CHST8: variants seen among roughly 807,000 people sequenced by gnomAD.
The protein encoded by CHST8 is GALNAC-4-ST1.
A neutral mutation model predicts 15.0 loss-of-function variants in CHST8; 10 were observed. The observed-to-expected ratio is 0.67, with a 90% CI of 0.41 to 1.13. The LOEUF is 1.13. Ranked by LOEUF, CHST8 falls within the 50% of genes most tolerant of loss-of-function variation. The probability of loss-of-function intolerance (pLI) is 0.00; values close to 1 mark genes in which losing one functional copy is unlikely to be tolerated. For synonymous variants in CHST8, 259 were observed against 256.6 expected, an observed-to-expected ratio of 1.01 and a Z score of -0.09; for missense variants, 634 against 608.2, an observed-to-expected ratio of 1.04 and a Z score of -0.45.
At chr19:33,753,440 CCTCCCACCACCCACCCACCA>C (rs1974462311) in intron 3 of CHST8, among the ~76,000 whole-genome samples, 3 of 26,280 alleles carry the variant, frequency 1.1e-4, no homozygotes, top group Non-Finnish European at 7.2e-5. Flanking sequence ...CACCCTCCAT[CCTCCCACCACCCACCCACCA>C]TCCTCCCACC....
chr19:33,689,382 C>G lies in CHST8; in HGVS notation c.121C>G (p.Gln41Glu), dbSNP rs1407781924. 2.5e-6 allele frequency: 4 copies of G among 1,592,224 alleles called. No individual in the cohort carries two copies. Among genetic ancestry groups the G allele is most frequent in the Non-Finnish European group, 3.4e-6 (4 of 1,172,308 alleles). ...GGACCCTACGGAGCTCGCCCCCCAG[C>G]AGGTGCCAGGTGAGTCCTTGCGCTG... ...LQDPTELAPQ[Q>E]VPGIKFNIRP... Residue 41 changes from glutamine to glutamate, a missense_variant, in exon 3 of 5, where the codon CAG (glutamine) becomes GAG (glutamate). Physicochemically the swap from Gln to Glu is conservative, Grantham distance 29. Coordinates refer to ENST00000650847, the MANE Select transcript of CHST8 (RefSeq NM_001127895.2).
chr19:33,683,201 C>A (rs1316545333), intron 2 of CHST8, among the ~76,000 whole-genome samples: 1 of 152,194 alleles, frequency 6.6e-6, no homozygotes, highest in Admixed American at 6.5e-5. Flanking sequence ...TCACATTTCA[C>A]CATGAGATTT....
intron 2 of CHST8, among the ~76,000 whole-genome samples, chr19:33,688,469 C>T (rs892128815): frequency 1.3e-5 from 2 of 152,140 alleles, no homozygotes; most frequent in African/African-American, 2.4e-5. Context: ...GGTCTAGCTG[C>T]CCCACCTCCA....
At chr19:33,719,399 C>T (rs867884287) in intron 3 of CHST8, among the ~76,000 whole-genome samples, 3 of 152,044 alleles carry the variant, frequency 2.0e-5, no homozygotes, top group Admixed American at 6.5e-5. Context: ...TCCTTGGACA[C>T]TTCTGTTTTA....
At chr19:33,639,654 T>G (rs887032983) in intron 1 of CHST8, among the ~76,000 whole-genome samples, 1 of 151,456 alleles carries the variant, frequency 6.6e-6, no homozygotes, top group Non-Finnish European at 1.5e-5. Flanking sequence ...GGTGGAAGAG[T>G]GCAGGGTAAA....
At chr19:33,765,552 T>A (rs3073707) in intron 3 of CHST8, among the ~76,000 whole-genome samples, 2 of 82,428 alleles carry the variant, frequency 2.4e-5, no homozygotes, top group Non-Finnish European at 5.4e-5. Flanking sequence ...TGTGTGTGTG[T>A]GTCAGAGAGA....
At chr19:33,719,091 G>A (rs906376356) in intron 3 of CHST8, among the ~76,000 whole-genome samples, 4 of 152,150 alleles carry the variant, frequency 2.6e-5, no homozygotes, top group African/African-American at 4.8e-5. Flanking sequence ...GATGTCATAG[G>A]TGTGACACTG....
chr19:33,687,871 G>A (rs1973013039), intron 2 of CHST8, among the ~76,000 whole-genome samples: 1 of 152,100 alleles, frequency 6.6e-6, no homozygotes, highest in South Asian at 2.1e-4. Flanking sequence ...ATTGTCCCTG[G>A]GCAGGGAGAT....
chr19:33,644,244 A>G (rs1303238560), intron 1 of CHST8, among the ~76,000 whole-genome samples: 1 of 152,160 alleles, frequency 6.6e-6, no homozygotes, highest in East Asian at 1.9e-4. Context: ...TACTGTATTT[A>G]TTATTATTAT....
rs542564851 is a variant in CHST8 at position 33,702,244 on chromosome 19, C to G, written c.130+12853C>G. ...ACAGGAATCCACCTGCCTTGGCATCCCAAAGTGCTGGGATTATAGGCGTGA... is the reference window on the plus strand; with the variant it reads ...ACAGGAATCCACCTGCCTTGGCATCGCAAAGTGCTGGGATTATAGGCGTGA... On this transcript the variant is annotated intron_variant, in intron 3 of 4. Coordinates refer to ENST00000650847, the MANE Select transcript of CHST8 (RefSeq NM_001127895.2). Among the ~76,000 whole-genome samples, 8 of 152,182 alleles carry G rather than the reference C, an allele frequency of 5.3e-5. No individual in the cohort carries two copies. The East Asian group carries it at 1.6e-3, about 30-fold the overall frequency.
At chr19:33,672,497 C>T (rs1236302215) in intron 2 of CHST8, among the ~76,000 whole-genome samples, 1 of 152,138 alleles carries the variant, frequency 6.6e-6, no homozygotes, top group Admixed American at 6.5e-5. Flanking sequence ...CTGTGCCTGG[C>T]CCCCATCAAA....
rs757265361 is a variant in CHST8 at position 33,772,839 on chromosome 19, A to G, written c.1051A>G (p.Met351Val). 6.8e-6 allele frequency: 11 copies of G among 1,613,402 alleles called. No homozygotes were observed. The South Asian group carries it at 9.9e-5, about 14-fold the overall frequency. The part of the protein sequence containing the change: ...DYDFVGKFES[M>V]EDDANFFLSL... ...CGATTTCGTAGGCAAGTTCGAGAGC[A>G]TGGAGGACGATGCCAACTTCTTCCT... The change falls in exon 5 of 5, where the codon ATG (methionine) becomes GTG (valine). Residue 351 changes from methionine to valine, a missense_variant. Transcript: ENST00000650847.
intron 3 of CHST8, among the ~76,000 whole-genome samples, chr19:33,709,708 G>A (rs1054047547): frequency 1.3e-5 from 2 of 151,946 alleles, no homozygotes; most frequent in African/African-American, 4.8e-5. Flanking sequence ...GATTTAAAAT[G>A]AATTGGGAAG....
chr19:33,637,860 A>G (rs1248168259), intron 1 of CHST8, among the ~76,000 whole-genome samples: 9 of 125,742 alleles, frequency 7.2e-5, no homozygotes, highest in Admixed American at 1.6e-4. Flanking sequence ...ATCTCTTAAG[A>G]AAAAAAAAAA....
At chr19:33,734,312 T>C (rs1974043943) in intron 3 of CHST8, among the ~76,000 whole-genome samples, 1 of 152,210 alleles carries the variant, frequency 6.6e-6, no homozygotes, top group African/African-American at 2.4e-5. Flanking sequence ...ACCTCTTGTT[T>C]AGCATATCAT....
chr19:33,649,199 C>T (rs892347480), intron 1 of CHST8, among the ~76,000 whole-genome samples: 5 of 152,042 alleles, frequency 3.3e-5, no homozygotes, highest in South Asian at 2.1e-4. Context: ...CCACTGTGCC[C>T]GGCCTGTCTA....
chr19:33,708,372 T>A (rs1973485229), intron 3 of CHST8, among the ~76,000 whole-genome samples: 2 of 152,264 alleles, frequency 1.3e-5, no homozygotes, highest in Non-Finnish European at 2.9e-5. Flanking sequence ...GGCTGTTACA[T>A]CTGTGTCTGC....
chr19:33,771,968 A>G lies in CHST8; in HGVS notation c.180A>G (p.Pro60=). 1 of 1,568,556 alleles carries G rather than the reference A, an allele frequency of 6.4e-7. No homozygotes were observed. The highest frequency in any genetic ancestry group is 8.6e-7 in the Non-Finnish European group (1 of 1,160,008). The change falls in exon 5 of 5, where the codon CCA becomes CCG. Residue 60 remains proline, a synonymous_variant. Coordinates refer to ENST00000650847, the MANE Select transcript of CHST8 (RefSeq NM_001127895.2). ...RPRQPHHDLP[P]GGSQDGDLKE... The stretch of plus-strand genomic sequence containing the variant: ...TCTTCTTGCCCCAGGACCTCCCACC[A>G]GGCGGCTCCCAGGATGGTGACTTGA...
chr19:33,768,128 G>A (rs1974889356), intron 3 of CHST8, among the ~76,000 whole-genome samples: 1 of 152,196 alleles, frequency 6.6e-6, no homozygotes. Flanking sequence ...GTTTCTCCTG[G>A]TTTTCACTTG....
Sources: allele counts gnomAD v4.1 joint callset (sites outside exome capture counted in the v4.1 genomes callset), GRCh38; gene constraint gnomAD v4.1.1; transcripts MANE v1.5; gene names NCBI Gene and HGNC (gene_info 2026-07-23, HGNC 2026-07-21).